FANCE: variants seen among roughly 807,000 people sequenced by gnomAD.
FANCE encodes the protein FA complementation group E, also known as Fanconi anemia group E protein.
Under a neutral mutation model 57.8 loss-of-function variants are expected in FANCE, and 42 were observed. That is an observed-to-expected ratio of 0.73 (90% CI 0.57 to 0.94). The LOEUF is 0.94. Among genes scored for constraint, FANCE ranks in the 40% least tolerant of loss-of-function variants. The probability of loss-of-function intolerance (pLI) is 0.00; values close to 1 mark genes in which losing one functional copy is unlikely to be tolerated. For synonymous variants in FANCE, 251 were observed against 286.4 expected, an observed-to-expected ratio of 0.88 and a Z score of 1.25; for missense variants, 608 against 661.8, an observed-to-expected ratio of 0.92 and a Z score of 0.89.
chr6:35,452,822 G>T, intron 1 of FANCE, 29 bp downstream of exon 1: 1 of 1,297,346 alleles, frequency 7.7e-7, no homozygotes, highest in Non-Finnish European at 9.8e-7. Flanking sequence ...CCCCTTAGCA[G>T]GTATGGGAGG....
intron 8 of FANCE, among the ~76,000 whole-genome samples, chr6:35,461,950 A>G (rs1372532927): frequency 2.0e-5 from 3 of 151,748 alleles, no homozygotes; most frequent in Non-Finnish European, 2.9e-5. Flanking sequence ...CCCAGCCCTG[A>G]CCTAACTTCT....
At position 35,460,633 on chromosome 6, in the gene FANCE, C is replaced by A; in HGVS notation, c.1383+15C>A. 1 of 1,612,218 alleles carries A rather than the reference C, an allele frequency of 6.2e-7. No homozygotes were observed. The highest frequency in any genetic ancestry group is 1.3e-5 in the African/African-American group (1 of 74,994). ...TAGAGCGGCAGGTGAGCAGGCTGCC[C>A]TGGGGAAGAGTGGACAAAGAAGTGC... On this transcript the variant is annotated intron_variant, in intron 8 of 9. Transcript: ENST00000229769.
intron 9 of FANCE, among the ~76,000 whole-genome samples, chr6:35,464,829 T>C (rs1452319409): frequency 3.4e-5 from 5 of 146,196 alleles, no homozygotes; most frequent in Non-Finnish European, 7.5e-5. Flanking sequence ...GCCTCCTGGG[T>C]TCACGCCATT....
chr6:35,458,702 G>T (rs1767459343), intron 5 of FANCE, among the ~76,000 whole-genome samples: 1 of 151,742 alleles, frequency 6.6e-6, no homozygotes, highest in African/African-American at 2.4e-5. Context: ...TGCAGCAGTG[G>T]CGTGATCTCC....
chr6:35,454,822 C>T (rs900601659), intron 1 of FANCE, among the ~76,000 whole-genome samples: 1 of 152,242 alleles, frequency 6.6e-6, no homozygotes, highest in African/African-American at 2.4e-5. Context: ...AGTTTCATCT[C>T]TGGGAAGCCT....
intron 1 of FANCE, among the ~76,000 whole-genome samples, chr6:35,454,467 C>T (rs1767244342): frequency 6.6e-6 from 1 of 152,154 alleles, no homozygotes; most frequent in Non-Finnish European, 1.5e-5. Flanking sequence ...TCCCAAGTGC[C>T]TCTGTGTTGA....
chr6:35,452,926 C>A, intron 1 of FANCE, 133 bp downstream of exon 1: 6 of 942,144 alleles, frequency 6.4e-6, no homozygotes, highest in Non-Finnish European at 6.9e-6. Context: ...GCACCCTTCA[C>A]TGAGCACTTG....
At chr6:35,461,346 C>T (rs1454932864) in intron 8 of FANCE, among the ~76,000 whole-genome samples, 1 of 152,142 alleles carries the variant, frequency 6.6e-6, no homozygotes, top group Non-Finnish European at 1.5e-5. Flanking sequence ...ATTTTAAAAG[C>T]TCAAAAGGAT....
intron 2 of FANCE, 43 bp from the exon 3 acceptor site, chr6:35,457,513 T>C (rs1767394161): frequency 1.2e-6 from 2 of 1,611,344 alleles, no homozygotes; most frequent in Non-Finnish European, 1.7e-6. Context: ...GGGGTCATGC[T>C]GCAGGGGGAG....
intron 9 of FANCE, 45 bp downstream of exon 9, chr6:35,462,959 G>A (rs1442016738): frequency 1.2e-6 from 2 of 1,611,226 alleles, no homozygotes; most frequent in East Asian, 2.2e-5. Flanking sequence ...TGGCAGGGCT[G>A]CCCTGGGCCT....
rs903453403 is a variant in FANCE, at chr6:35,457,000, T to C, written c.856-556T>C. ...TCCAGTCTGCCCCTGCCTCCTAGTC[T>C]GAGGCCTGGGTCTACCCCCATTTGG... is the stretch of plus-strand genomic sequence containing the variant. On this transcript the variant is annotated intron_variant, in intron 2 of 9. Transcript: ENST00000229769. This position sits in a 1 kb window ranked among gnomAD's most constrained non-coding sequence, Gnocchi z 4.3. Among the ~76,000 whole-genome samples, 5 of 152,216 alleles carry C rather than the reference T, an allele frequency of 3.3e-5. No homozygotes were observed. Among genetic ancestry groups the C allele is most frequent in the African/African-American group, 9.6e-5 (4 of 41,456 alleles).
Position 35,460,627 on chromosome 6 carries a change from G to A in FANCE, c.1383+9G>A. The A allele has an allele frequency of 6.2e-7, 1 of 1,612,800 alleles. No individual in the cohort carries two copies. The highest frequency in any genetic ancestry group is 8.5e-7 in the Non-Finnish European group (1 of 1,179,010). ...CACTCCTAGAGCGGCAGGTGAGCAG[G>A]CTGCCCTGGGGAAGAGTGGACAAAG... On this transcript the variant is annotated intron_variant, in intron 8 of 9. Coordinates refer to ENST00000229769, the MANE Select transcript of FANCE (RefSeq NM_021922.3).
In FANCE at chr6:35,455,928, T is replaced by C. The variant is rs1377892215; in HGVS notation, c.430T>C (p.Leu144=). 5.0e-6 allele frequency: 8 copies of C among 1,613,948 alleles called. No homozygotes were observed. The highest frequency in any genetic ancestry group is 5.9e-6 in the Non-Finnish European group (7 of 1,179,986). ...CCTGGGGGAATTGCTGCGAAGGGATTTGGGGGTGGGGACCTCCATGGAGGG... is the reference window on the plus strand; with the variant it reads ...CCTGGGGGAATTGCTGCGAAGGGATCTGGGGGTGGGGACCTCCATGGAGGG... ...RALGELLRRD[L]GVGTSMEGAS... is the part of the protein sequence containing the mutation. The change falls in exon 2 of 10, where the codon TTG becomes CTG. Residue 144 remains leucine, a synonymous_variant. Coordinates refer to ENST00000229769, the MANE Select transcript of FANCE (RefSeq NM_021922.3).
chr6:35,461,473 A>G (rs1224230613), intron 8 of FANCE, among the ~76,000 whole-genome samples: 1 of 152,216 alleles, frequency 6.6e-6, no homozygotes, highest in East Asian at 1.9e-4. Context: ...TACCATCTAT[A>G]TGTGGAAACA....
At chr6:35,459,798 C>A (rs761927217) in intron 7 of FANCE, 38 bp downstream of exon 7, 4 of 1,572,934 alleles carry the variant, frequency 2.5e-6, no homozygotes, top group Non-Finnish European at 3.5e-6. Context: ...CCACTGCCAC[C>A]TGTTCCCCCA....
chr6:35,454,782 G>A (rs1473175194), intron 1 of FANCE, among the ~76,000 whole-genome samples: 2 of 152,220 alleles, frequency 1.3e-5, no homozygotes, highest in African/African-American at 4.8e-5. Flanking sequence ...CATACTGTTT[G>A]GAATCTGTAA....
chr6:35,456,196 G>A lies in FANCE; in HGVS notation c.698G>A (p.Arg233Lys). ...GAGGAAGAAGATCATGAGAAGGAGA[G>A]ACCCGAACATAAGTCACTGGAATCC... is the stretch of plus-strand genomic sequence containing the variant. Reference protein sequence around the residue: ...WEEEEDHEKERPEHKSLESLA... With the variant: ...WEEEEDHEKEKPEHKSLESLA... The change falls in exon 2 of 10, where the codon AGA becomes AAA. Residue 233 changes from arginine (R) to lysine (K), a missense_variant. Physicochemically the swap from Arg to Lys is conservative, Grantham distance 26 (BLOSUM62 2). Coordinates refer to ENST00000229769, the MANE Select transcript of FANCE (RefSeq NM_021922.3). The surrounding 1 kb of genome is among the most constrained non-coding windows in gnomAD (Gnocchi z 4.3). 1 of 1,601,294 alleles carries A rather than the reference G, an allele frequency of 6.2e-7. No individual in the cohort carries two copies.
chr6:35,455,606 TG>T, intron 1 of FANCE, 140 bp from the exon 2 acceptor site: 1 of 1,022,194 alleles, frequency 9.8e-7, no homozygotes. Context: ...TCACCACACC[TG>T]GCCAACATCC....
rs772678337 is a variant in FANCE at position 35,466,243 on chromosome 6, G to A, written c.1510-1G>A. On this transcript the variant is annotated splice_acceptor_variant, in intron 9 of 9. Transcript: ENST00000229769. LOFTEE classifies it high-confidence loss of function. Reference sequence around the variant, plus strand: ...CTGACATGATTTTTCCTTCTCCCCAGATCACTGAGACCCAGAGGCTGGGCC... The same window carrying A: ...CTGACATGATTTTTCCTTCTCCCCAAATCACTGAGACCCAGAGGCTGGGCC... 2 of 1,604,314 alleles carry A rather than the reference G, an allele frequency of 1.2e-6. No individual in the cohort carries two copies. The highest frequency in any genetic ancestry group is 2.2e-5 in the South Asian group (2 of 90,870).
Sources: gnomAD v4.1 joint callset for allele counts (sites outside exome capture counted in the v4.1 genomes callset) on GRCh38, gnomAD v4.1.1 for gene constraint, Gnocchi (gnomAD v3.1) non-coding constraint, MANE v1.5 for transcripts, NCBI Gene and HGNC (gene_info 2026-07-23, HGNC 2026-07-21) for gene names.